RERE: variants seen among roughly 807,000 people sequenced by gnomAD.
The protein encoded by RERE is arginine-glutamic acid dipeptide repeats, also known as arginine-glutamic acid dipeptide repeats protein.
A neutral mutation model predicts 146.1 loss-of-function variants in RERE; 40 were observed. The ratio of observed to expected loss-of-function variants is 0.27; its 90% CI spans 0.21 to 0.36. The LOEUF is 0.36. RERE is among the 10% of genes least tolerant of loss of function. The probability of loss-of-function intolerance (pLI) is 1.00; values close to 1 mark genes in which losing one functional copy is unlikely to be tolerated. For synonymous variants in RERE, 1,003 were observed against 866.0 expected (o/e 1.16, Z -2.78); for missense variants, 1,933 against 2,138.7 (o/e 0.90, Z 1.90).
At chr1:8,806,974 G>C (rs1285562407) in intron 1 of RERE, 1 of 152,090 alleles carries the variant, frequency 6.6e-6, no homozygotes, top group Non-Finnish European at 1.5e-5. Flanking sequence ...ACTGATGGTG[G>C]GTCAGTTTTC....
At chr1:8,478,780 A>T (rs1644793505) in intron 10 of RERE, among the ~76,000 whole-genome samples, 1 of 152,156 alleles carries the variant, frequency 6.6e-6, no homozygotes, top group Non-Finnish European at 1.5e-5. Flanking sequence ...ACTTGCCCAC[A>T]AGGGTCACTA....
At chr1:8,599,358 C>T (rs974719354) in intron 4 of RERE, among the ~76,000 whole-genome samples, 5 of 152,128 alleles carry the variant, frequency 3.3e-5, no homozygotes, top group African/African-American at 9.7e-5. Flanking sequence ...ACATCAAGTT[C>T]AACGTGTGTT....
In RERE at chr1:8,360,506, G is replaced by A; in HGVS notation, c.3001C>T (p.Pro1001Ser). The A allele has an allele frequency of 1.5e-6, 2 of 1,349,780 alleles. No individual in the cohort carries two copies. The highest frequency in any genetic ancestry group is 1.9e-6 in the Non-Finnish European group (2 of 1,029,120). 83.6% of individuals were successfully genotyped at this position (1,349,780 alleles called of 1,614,324 possible). The change falls in exon 18 of 23, where the codon CCC (proline) becomes TCC (serine). Residue 1001 changes from proline (P) to serine (S), a missense_variant. Pro to Ser is a moderately conservative substitution (Grantham distance 74). This residue lies in a region of RERE where 1,255 missense variants were observed against 1,153.8 expected (regional missense o/e 1.09). Coordinates refer to ENST00000400908, the MANE Select transcript of RERE (RefSeq NM_001042681.2). ...MPQSQPLPSS[P>S]AQPPGLTQSQ... is the part of the protein sequence containing the mutation. ...TGGGTCAGCCCGGGGGGCTGGGCGG[G>A]CGAGGAGGGCAATGGCTGGCTCTGA... is the stretch of plus-strand genomic sequence containing the variant.
At chr1:8,817,058 C>G (rs963644266) in intron 1 of RERE, 102 bp downstream of exon 1, 1 of 152,312 alleles carries the variant, frequency 6.6e-6, no homozygotes, top group East Asian at 1.9e-4. Flanking sequence ...CCTGCCTCCC[C>G]CCGGGCGAGT....
intron 1 of RERE, among the ~76,000 whole-genome samples, chr1:8,743,530 G>T (rs948459578): frequency 2.6e-5 from 4 of 151,252 alleles, no homozygotes; most frequent in African/African-American, 9.7e-5. Flanking sequence ...CAAAGTGCTG[G>T]GATTACAGGC....
intron 1 of RERE, among the ~76,000 whole-genome samples, chr1:8,678,322 C>A (rs1417996665): frequency 2.6e-5 from 4 of 151,852 alleles, no homozygotes; most frequent in Non-Finnish European, 4.4e-5. Context: ...TTAAAAAAAA[C>A]AGGCGACTTT....
chr1:8,789,301 A>AAAAAAAAAAAATAT, intron 1 of RERE, among the ~76,000 whole-genome samples: 5 of 24,828 alleles, frequency 2.0e-4, no homozygotes, highest in South Asian at 1.4e-3. Context: ...AAAAAAAAAA[A>AAAAAAAAAAAATAT]ATATATATAT....
chr1:8,422,671 A>C lies in RERE; in HGVS notation c.1284+56T>G. ...CCATTTCATAAGATCAAATGTGGAG[A>C]GGCAGCAGGAGCAAAGAGGAAAAAA... is the stretch of plus-strand genomic sequence containing the variant. On this transcript the variant is annotated intron_variant, in intron 12 of 22. Transcript: ENST00000400908. 5 of 1,239,100 alleles carry C rather than the reference A, an allele frequency of 4.0e-6. No homozygotes were observed. In the South Asian group the frequency reaches 6.0e-5, roughly 15 times the overall value. 76.8% of individuals were successfully genotyped at this position (1,239,100 alleles called of 1,614,324 possible). A position where few individuals can be genotyped will look rare whatever the true frequency, so the allele number is the denominator to read the frequency against.
chr1:8,489,428 C>G (rs1644947291), intron 10 of RERE, among the ~76,000 whole-genome samples: 1 of 151,078 alleles, frequency 6.6e-6, no homozygotes, highest in Admixed American at 6.6e-5. Flanking sequence ...ACAAATAATT[C>G]CCAATACATA....
At chr1:8,526,877 T>C (rs907034359) in intron 7 of RERE, among the ~76,000 whole-genome samples, 1 of 152,146 alleles carries the variant, frequency 6.6e-6, no homozygotes, top group Admixed American at 6.5e-5. Context: ...TAGTTTCCAC[T>C]TACAAACTAA....
chr1:8,774,951 CTTTTTTTTTTT>C (rs869173167), intron 1 of RERE, among the ~76,000 whole-genome samples: 18 of 47,970 alleles, frequency 3.8e-4, no homozygotes, highest in Admixed American at 5.6e-4. Context: ...TTCTTTCTTT[CTTTTTTTTTTT>C]TTTTTTTTTT....
At chr1:8,373,600 G>A (rs777805901) in intron 12 of RERE, among the ~76,000 whole-genome samples, 2 of 152,212 alleles carry the variant, frequency 1.3e-5, no homozygotes, top group Non-Finnish European at 2.9e-5. Context: ...TGAGGAAAGA[G>A]CTGTGGCCCT....
At chr1:8,612,641 A>G (rs1646805895) in intron 4 of RERE, among the ~76,000 whole-genome samples, 1 of 152,252 alleles carries the variant, frequency 6.6e-6, no homozygotes, top group African/African-American at 2.4e-5. Flanking sequence ...TCCATTCAGC[A>G]ATTCCTGTTG....
intron 1 of RERE, among the ~76,000 whole-genome samples, chr1:8,742,316 C>T (rs1050001131): frequency 2.0e-5 from 3 of 152,142 alleles, no homozygotes; most frequent in African/African-American, 7.2e-5. Flanking sequence ...CTGACACTCC[C>T]AAAGGGAATA....
intron 8 of RERE, among the ~76,000 whole-genome samples, chr1:8,500,604 G>A (rs1423387057): frequency 6.6e-6 from 1 of 151,910 alleles, no homozygotes; most frequent in Non-Finnish European, 1.5e-5. Context: ...CCAAAGTGCC[G>A]AGATTGCAGC....
In RERE at chr1:8,364,706, TGCCCCCGCCCC is replaced by T; in HGVS notation, c.1540+29_1540+39del. 6.9e-7 allele frequency: 1 copy of T among 1,459,664 alleles called. No individual in the cohort carries two copies. The highest frequency in any genetic ancestry group is 9.6e-7 in the Non-Finnish European group (1 of 1,039,674). 90.4% of individuals were successfully genotyped at this position (1,459,664 alleles called of 1,614,324 possible). On this transcript the variant is annotated intron_variant, in intron 14 of 22. Transcript: ENST00000400908. The surrounding 1 kb of genome is among the most constrained non-coding windows in gnomAD (Gnocchi z 5.1). ...AATGTTCAGAACATGGAAGTGCTTG[TGCCCCCGCCCC>T]GCCCCAGGAGCGTGACGAGGCCACT...
chr1:8,391,317 T>C (rs1160039454), intron 12 of RERE, among the ~76,000 whole-genome samples: 1 of 152,218 alleles, frequency 6.6e-6, no homozygotes, highest in Non-Finnish European at 1.5e-5. Flanking sequence ...AACCGATGTA[T>C]GTAAAGCACT....
At chr1:8,771,909 CAAAAAAAAA>C (rs768264978) in intron 1 of RERE, among the ~76,000 whole-genome samples, 6 of 59,448 alleles carry the variant, frequency 1.0e-4, no homozygotes, top group East Asian at 5.1e-4. Flanking sequence ...GACTCTGTCT[CAAAAAAAAA>C]AAAAAAAAAA....
intron 1 of RERE, among the ~76,000 whole-genome samples, chr1:8,748,115 A>G (rs1182171211): frequency 1.3e-5 from 2 of 152,178 alleles, no homozygotes; most frequent in African/African-American, 4.8e-5. Flanking sequence ...GTATACAACT[A>G]CACATAATTT....
Sources: gnomAD v4.1 joint callset for allele counts (sites outside exome capture counted in the v4.1 genomes callset) on GRCh38, gnomAD v4.1.1 for gene constraint, gnomAD v4.1.1 regional missense constraint, Gnocchi (gnomAD v3.1) non-coding constraint, MANE v1.5 for transcripts, NCBI Gene and HGNC (gene_info 2026-07-23, HGNC 2026-07-21) for gene names.